The following SYT1 variants were observed in gnomAD, a reference collection of about 807,000 sequenced individuals.
The protein encoded by SYT1 is synaptotagmin-1.
A neutral mutation model predicts 44.8 loss-of-function variants in SYT1; 8 were observed. The ratio of observed to expected loss-of-function variants is 0.18; its 90% CI spans 0.10 to 0.32. SYT1 has a LOEUF of 0.32. Ranked by LOEUF, SYT1 falls within the 10% of genes least tolerant of loss-of-function variation. SYT1 has a pLI of 1.00. For missense variants in SYT1, 286 were observed against 509.3 expected (o/e 0.56, Z 4.22); for synonymous variants, 154 against 188.8 (o/e 0.82, Z 1.51).
chr12:78,885,499 T>G (rs1283711858), intron 1 of SYT1, among the ~76,000 whole-genome samples: 1 of 151,804 alleles, frequency 6.6e-6, no homozygotes, highest in East Asian at 2.0e-4. Context: ...GAGTGCCAAG[T>G]TGGGAATATG....
intron 9 of SYT1, among the ~76,000 whole-genome samples, chr12:79,376,274 C>G (rs2136060897): frequency 6.6e-6 from 1 of 152,326 alleles, no homozygotes; most frequent in South Asian, 2.1e-4. Context: ...ATGGCTACTC[C>G]ATAGACAGAG....
At chr12:79,116,888 C>T (rs948776756) in intron 3 of SYT1, among the ~76,000 whole-genome samples, 4 of 152,110 alleles carry the variant, frequency 2.6e-5, no homozygotes, top group African/African-American at 7.2e-5. Context: ...TGCTCCTCTC[C>T]CCCTCCAGTG....
intron 3 of SYT1, among the ~76,000 whole-genome samples, chr12:79,099,528 T>G (rs1449854308): frequency 1.3e-5 from 2 of 152,152 alleles, no homozygotes; most frequent in East Asian, 3.8e-4. Context: ...ATCAGAAATA[T>G]TGGAGGAATC....
chr12:79,043,892 G>A (rs952250146), intron 2 of SYT1, among the ~76,000 whole-genome samples: 1 of 152,156 alleles, frequency 6.6e-6, no homozygotes, highest in Admixed American at 6.5e-5. Flanking sequence ...ATGAAGTTTA[G>A]TTTGGCTGGA....
intron 4 of SYT1, among the ~76,000 whole-genome samples, chr12:79,247,927 T>C (rs113620236): frequency 3.9e-5 from 6 of 152,354 alleles, no homozygotes; most frequent in African/African-American, 1.4e-4. Flanking sequence ...AAAATATTTC[T>C]CTTAAGAAAG....
At chr12:79,399,022 A>G (rs1243978874) in intron 9 of SYT1, among the ~76,000 whole-genome samples, 1 of 152,192 alleles carries the variant, frequency 6.6e-6, no homozygotes, top group East Asian at 1.9e-4. Flanking sequence ...AAAGTCTTCT[A>G]TATTTCTGTC....
At chr12:78,975,177 A>T (rs1868732541) in intron 1 of SYT1, among the ~76,000 whole-genome samples, 1 of 151,520 alleles carries the variant, frequency 6.6e-6, no homozygotes, top group Non-Finnish European at 1.5e-5. Context: ...TCTGCATGGA[A>T]GCCAGTTCTC....
intron 9 of SYT1, among the ~76,000 whole-genome samples, chr12:79,373,466 T>G (rs1056260568): frequency 2.1e-4 from 32 of 152,296 alleles, no homozygotes; most frequent in African/African-American, 7.7e-4. Flanking sequence ...CCCTTTAAAA[T>G]ATAATTACTA....
At chr12:79,394,459 A>G (rs1304965309) in intron 9 of SYT1, among the ~76,000 whole-genome samples, 9 of 152,236 alleles carry the variant, frequency 5.9e-5, no homozygotes, top group African/African-American at 9.6e-5. Flanking sequence ...ACAGATGGCC[A>G]TGACAGCATA....
intron 1 of SYT1, among the ~76,000 whole-genome samples, chr12:78,934,429 C>T (rs1191825646): frequency 2.6e-5 from 4 of 151,888 alleles, no homozygotes; most frequent in Non-Finnish European, 5.9e-5. Context: ...CTCAGCTACC[C>T]AGGAAGCTGA....
chr12:79,257,563 C>T (rs1029134274), intron 4 of SYT1, among the ~76,000 whole-genome samples: 1 of 152,214 alleles, frequency 6.6e-6, no homozygotes, highest in Non-Finnish European at 1.5e-5. Flanking sequence ...TCTCTGCTCA[C>T]TGCAAGCTCC....
intron 1 of SYT1, among the ~76,000 whole-genome samples, chr12:78,931,719 G>A (rs989438031): frequency 6.6e-6 from 1 of 152,124 alleles, no homozygotes; most frequent in Non-Finnish European, 1.5e-5. Flanking sequence ...GTCCCTTGCT[G>A]GCAAGTACTG....
chr12:78,876,461 GTGTTTTTTTT>G (rs1874078497), intron 1 of SYT1, among the ~76,000 whole-genome samples: 1 of 30,214 alleles, frequency 3.3e-5, no homozygotes, highest in East Asian at 6.0e-4. Context: ...GAAAATGGAG[GTGTTTTTTTT>G]TTTTTTTTTT....
chr12:79,416,250 A>G (rs1334933257), intron 9 of SYT1, among the ~76,000 whole-genome samples: 1 of 152,222 alleles, frequency 6.6e-6, no homozygotes. Context: ...ACGGTGTCAC[A>G]GTCACATGAT....
chr12:79,205,749 A>G (rs1874083340), intron 3 of SYT1, among the ~76,000 whole-genome samples: 1 of 152,228 alleles, frequency 6.6e-6, no homozygotes, highest in Admixed American at 6.5e-5. Flanking sequence ...ATAACATAGC[A>G]ATGAATATAG....
chr12:79,132,649 C>T (rs6539259), intron 3 of SYT1, among the ~76,000 whole-genome samples: 15,701 of 110,638 alleles, frequency 0.14, 966 homozygotes, highest in Middle Eastern at 0.18. Context: ...GAATAGCCCT[C>T]ATGGTCAACA....
intron 3 of SYT1, among the ~76,000 whole-genome samples, chr12:79,070,924 TA>T (rs1374578118): frequency 2.0e-5 from 3 of 152,134 alleles, no homozygotes; most frequent in Non-Finnish European, 4.4e-5. Flanking sequence ...TTGTTTCAAT[TA>T]GCCAAAATTT....
At chr12:79,191,099 A>AT (rs1251321470) in intron 3 of SYT1, among the ~76,000 whole-genome samples, 22 of 76,242 alleles carry the variant, frequency 2.9e-4, no homozygotes, top group Admixed American at 1.2e-3. Context: ...ACATAAATAT[A>AT]AATATATATA....
chr12:79,227,549 G>A (rs1466583688), intron 4 of SYT1, among the ~76,000 whole-genome samples: 1 of 152,126 alleles, frequency 6.6e-6, no homozygotes, highest in Non-Finnish European at 1.5e-5. Flanking sequence ...AGGAATAGTT[G>A]TATAATTTAT....
Sources: allele counts gnomAD v4.1 joint callset (sites outside exome capture counted in the v4.1 genomes callset), GRCh38; gene constraint gnomAD v4.1.1; transcripts MANE v1.5; gene names NCBI Gene and HGNC (gene_info 2026-07-23, HGNC 2026-07-21).